Variants in PPP6R3 observed in about 807,000 individuals in gnomAD.
PPP6R3 encodes serine/threonine-protein phosphatase 6 regulatory subunit 3.
PPP6R3 carries 38 observed loss-of-function variants against 110.7 expected under a neutral mutation model. That is an observed-to-expected ratio of 0.34 (90% confidence interval 0.26 to 0.45). The LOEUF (loss-of-function observed/expected upper bound fraction) is 0.45. Ranked by LOEUF, PPP6R3 falls within the 20% of genes least tolerant of loss-of-function variation. The pLI is 1.00. For missense variants in PPP6R3, 870 were observed against 1,062.4 expected (o/e 0.82, Z 2.52); for synonymous variants, 369 against 373.5 (o/e 0.99, Z 0.14).
chr11:68,525,967 C>G (rs1181022470), intron 2 of PPP6R3, among the ~76,000 whole-genome samples: 1 of 152,212 alleles, frequency 6.6e-6, no homozygotes, highest in Admixed American at 6.5e-5. Flanking sequence ...GTATAGAATT[C>G]CCTTTCTAGC....
intron 1 of PPP6R3, among the ~76,000 whole-genome samples, chr11:68,500,521 A>T (rs1173491115): frequency 2.0e-5 from 3 of 152,224 alleles, no homozygotes; most frequent in Non-Finnish European, 4.4e-5. Context: ...TCTGTTGCCC[A>T]AGCCGGAGTG....
intron 12 of PPP6R3, among the ~76,000 whole-genome samples, chr11:68,572,888 C>G (rs1453978955): frequency 6.6e-6 from 1 of 151,540 alleles, no homozygotes; most frequent in East Asian, 1.9e-4. Flanking sequence ...CACCCCCAAG[C>G]CCTCTAAGAT....
chr11:68,568,946 A>G (rs2099490833), intron 10 of PPP6R3, among the ~76,000 whole-genome samples: 1 of 151,912 alleles, frequency 6.6e-6, no homozygotes, highest in South Asian at 2.1e-4. Flanking sequence ...TTGTATTTTT[A>G]GTAGAGACGG....
At chr11:68,538,949 G>A (rs1356411999) in intron 3 of PPP6R3, among the ~76,000 whole-genome samples, 4 of 152,150 alleles carry the variant, frequency 2.6e-5, no homozygotes, top group African/African-American at 9.7e-5. Context: ...GTGAAACCCC[G>A]AGTCTACTAA....
At chr11:68,569,629 T>C in intron 10 of PPP6R3, 119 bp from the exon 11 acceptor site, 2 of 881,238 alleles carry the variant, frequency 2.3e-6, no homozygotes, top group Non-Finnish European at 3.3e-6. Flanking sequence ...TTTTAATTGG[T>C]CCTTTTGGAC....
intron 1 of PPP6R3, among the ~76,000 whole-genome samples, chr11:68,488,160 C>G (rs1392753771): frequency 1.3e-5 from 2 of 152,192 alleles, no homozygotes; most frequent in Non-Finnish European, 2.9e-5. Flanking sequence ...CCTGCTCTAT[C>G]TGCAATTAAT....
chr11:68,558,507 T>C (rs1334858228), intron 7 of PPP6R3, 59 bp from the exon 8 acceptor site: 14 of 1,128,024 alleles, frequency 1.2e-5, no homozygotes, highest in Middle Eastern at 4.0e-4. Context: ...CGTCTTTTTT[T>C]CTGAGGTTGT....
At chr11:68,560,434 G>A (rs1013070044) in intron 8 of PPP6R3, among the ~76,000 whole-genome samples, 3 of 152,164 alleles carry the variant, frequency 2.0e-5, no homozygotes, top group Admixed American at 6.5e-5. Flanking sequence ...TACAAACAAT[G>A]CATTAAACAG....
At chr11:68,461,359 C>G (rs978450173) in intron 1 of PPP6R3, among the ~76,000 whole-genome samples, 2 of 152,054 alleles carry the variant, frequency 1.3e-5, no homozygotes, top group African/African-American at 4.8e-5. Context: ...TCTGTTAATT[C>G]GCCGCAGAGT....
Position 68,610,009 on chromosome 11 carries a change from C to CA in PPP6R3, c.2557dup (p.Ser853LysfsTer14). On this transcript the variant is annotated frameshift_variant, in exon 23 of 24. Transcript: ENST00000393800. LOFTEE classifies it high-confidence loss of function. ...GCGCGGCGCCCAGGCCTCCCAGCAG[C>CA]AGTCCCGAGCAGAGGTAACCACCCG... 1.2e-6 allele frequency: 2 copies of CA among 1,613,924 alleles called. No homozygotes were observed. The highest frequency in any genetic ancestry group is 1.7e-6 in the Non-Finnish European group (2 of 1,180,008).
rs556233610 is a variant in PPP6R3, at chr11:68,572,025, T to A, written c.1343+921T>A. ...TTTGTGAGGTTTGATTTTTTTTTTTTAAATCGTTTAATAAGCACTGCTACT... is the reference window on the plus strand; with the variant it reads ...TTTGTGAGGTTTGATTTTTTTTTTTAAAATCGTTTAATAAGCACTGCTACT... On this transcript the variant is annotated intron_variant, in intron 12 of 23. Coordinates refer to ENST00000393800, the MANE Select transcript of PPP6R3 (RefSeq NM_001164161.2). Among the ~76,000 whole-genome samples, 90 of 152,154 alleles carry A rather than the reference T, an allele frequency of 5.9e-4. 2 individuals carry two copies. In the East Asian group the frequency reaches 0.014, roughly 24 times the overall value.
At chr11:68,493,142 T>A (rs1485174184) in intron 1 of PPP6R3, among the ~76,000 whole-genome samples, 1 of 152,224 alleles carries the variant, frequency 6.6e-6, no homozygotes, top group Non-Finnish European at 1.5e-5. Context: ...AAAGCAGTTA[T>A]GACCCTGGAT....
chr11:68,592,725 C>G (rs1281004080), intron 18 of PPP6R3, among the ~76,000 whole-genome samples: 2 of 152,180 alleles, frequency 1.3e-5, no homozygotes, highest in African/African-American at 2.4e-5. Context: ...CAGAGCCAGA[C>G]AGCAAAAGAA....
intron 1 of PPP6R3, among the ~76,000 whole-genome samples, chr11:68,476,345 C>T (rs1471822472): frequency 1.3e-5 from 2 of 151,962 alleles, no homozygotes; most frequent in Non-Finnish European, 2.9e-5. Flanking sequence ...CGCCTGCAAT[C>T]GCAGGCACTG....
chr11:68,486,871 T>C (rs879441093), intron 1 of PPP6R3, among the ~76,000 whole-genome samples: 2 of 152,178 alleles, frequency 1.3e-5, no homozygotes, highest in Non-Finnish European at 2.9e-5. Context: ...ATTTTGAGCA[T>C]AGAATAGTTG....
chr11:68,483,513 C>G (rs1325953566), intron 1 of PPP6R3, among the ~76,000 whole-genome samples: 1 of 152,200 alleles, frequency 6.6e-6, no homozygotes, highest in Non-Finnish European at 1.5e-5. Flanking sequence ...GTTACACATT[C>G]TATAAGTTTT....
chr11:68,489,772 T>C (rs1021544364), intron 1 of PPP6R3, among the ~76,000 whole-genome samples: 2 of 152,076 alleles, frequency 1.3e-5, no homozygotes, highest in Non-Finnish European at 2.9e-5. Flanking sequence ...TGTTTGCATA[T>C]GGGAAACCAA....
At chr11:68,580,746 C>CTTTTTTTTTTTTTTTTTT (rs71043441) in intron 14 of PPP6R3, among the ~76,000 whole-genome samples, 1 of 67,530 alleles carries the variant, frequency 1.5e-5, no homozygotes, top group African/African-American at 5.1e-5. Flanking sequence ...GGTAAATAAT[C>CTTTTTTTTTTTTTTTTTT]TTTTTTTTTT....
chr11:68,495,304 C>T (rs184879100), intron 1 of PPP6R3, among the ~76,000 whole-genome samples: 8 of 152,284 alleles, frequency 5.3e-5, no homozygotes, highest in African/African-American at 1.4e-4. Flanking sequence ...TTCTTAGCAC[C>T]TTCCTTTGCA....
Sources: gnomAD v4.1 joint callset for allele counts (sites outside exome capture counted in the v4.1 genomes callset) on GRCh38, gnomAD v4.1.1 for gene constraint, MANE v1.5 for transcripts, NCBI Gene and HGNC (gene_info 2026-07-23, HGNC 2026-07-21) for gene names.